Variants in GRIA1 observed in about 807,000 individuals in gnomAD.
GRIA1 encodes glutamate receptor 1.
In GRIA1, 31 loss-of-function variants were observed where a neutral mutation model predicts 99.2. The ratio of observed to expected loss-of-function variants is 0.31; its 90% CI spans 0.23 to 0.42. The LOEUF (loss-of-function observed/expected upper bound fraction) is 0.42, where lower values mean the gene tolerates loss of function less well. Among genes scored for constraint, GRIA1 ranks in the 10% least tolerant of loss-of-function variants. GRIA1 has a pLI of 1.00. For missense variants in GRIA1, 782 were observed against 1,157.5 expected (o/e 0.68, Z 4.71); for synonymous variants, 438 against 432.4 (o/e 1.01, Z -0.16).
intron 12 of GRIA1, among the ~76,000 whole-genome samples, chr5:153,765,946 G>A (rs1204219360): frequency 2.6e-5 from 4 of 152,164 alleles, no homozygotes; most frequent in East Asian, 3.8e-4. Flanking sequence ...GAGACAGCAC[G>A]CTGCCATATT....
At chr5:153,565,812 ATAT>A (rs1489185559) in intron 2 of GRIA1, among the ~76,000 whole-genome samples, 2 of 146,844 alleles carry the variant, frequency 1.4e-5, no homozygotes, top group Admixed American at 7.0e-5. Context: ...ATAAAATGAA[ATAT>A]TATAGGACTA....
intron 2 of GRIA1, among the ~76,000 whole-genome samples, chr5:153,608,715 T>C (rs1765672856): frequency 6.6e-6 from 1 of 152,254 alleles, no homozygotes; most frequent in African/African-American, 2.4e-5. Context: ...TCTATTATCT[T>C]GAGCCCCTGT....
chr5:153,654,487 A>G (rs1754794110), intron 4 of GRIA1, among the ~76,000 whole-genome samples: 1 of 152,046 alleles, frequency 6.6e-6, no homozygotes, highest in Admixed American at 6.6e-5. Flanking sequence ...AAGGCAGCAA[A>G]CCATTTGACA....
At chr5:153,757,588 G>A (rs573471172) in intron 11 of GRIA1, among the ~76,000 whole-genome samples, 1 of 152,264 alleles carries the variant, frequency 6.6e-6, no homozygotes, top group South Asian at 2.1e-4. Context: ...AACACACCTG[G>A]CAACAGACTT....
intron 2 of GRIA1, among the ~76,000 whole-genome samples, chr5:153,554,164 G>T (rs1199228123): frequency 1.3e-5 from 2 of 152,200 alleles, no homozygotes; most frequent in African/African-American, 2.4e-5. Flanking sequence ...GAATGAAGCA[G>T]TCAGCCAGGT....
In GRIA1 at chr5:153,534,415, G is replaced by GA. The variant is rs1758370773; in HGVS notation, c.220+40357dup. On this transcript the variant is annotated intron_variant, in intron 2 of 15. Transcript: ENST00000285900. Reference sequence around the variant, plus strand: ...CAAAAAGTCCTTAGAAACTCAACCTGAAAAAAATGTCTAGGGAAAGCAAAA... The same window carrying GA: ...CAAAAAGTCCTTAGAAACTCAACCTGAAAAAAAATGTCTAGGGAAAGCAAAA... Among the ~76,000 whole-genome samples the GA allele has an allele frequency of 1.3e-5, 2 of 151,996 alleles. 1 individual carries two copies. Among genetic ancestry groups the GA allele is most frequent in the South Asian group, 4.1e-4 (2 of 4,820 alleles).
At chr5:153,491,175 A>G (rs2113166161) in intron 1 of GRIA1, 1 of 1,062,866 alleles carries the variant, frequency 9.4e-7, no homozygotes, top group Non-Finnish European at 1.3e-6. Flanking sequence ...GGAAGTGTTC[A>G]CACACGCACA....
chr5:153,678,190 G>T (rs1756727966), intron 7 of GRIA1, among the ~76,000 whole-genome samples: 1 of 152,206 alleles, frequency 6.6e-6, no homozygotes, highest in Admixed American at 6.5e-5. Flanking sequence ...TCCTTGGGGA[G>T]AAGAGGAGCA....
chr5:153,784,833 G>C (rs964293958), intron 13 of GRIA1, among the ~76,000 whole-genome samples: 2 of 152,156 alleles, frequency 1.3e-5, no homozygotes, highest in African/African-American at 2.4e-5. Flanking sequence ...TGAGACCATT[G>C]TCCAAAGGAA....
At chr5:153,607,231 A>G (rs879515281) in intron 2 of GRIA1, among the ~76,000 whole-genome samples, 6 of 151,522 alleles carry the variant, frequency 4.0e-5, no homozygotes, top group Non-Finnish European at 5.9e-5. Context: ...CTTCTATACT[A>G]TTGACATTGG....
chr5:153,652,989 G>A (rs1239945441), intron 4 of GRIA1, among the ~76,000 whole-genome samples: 1 of 151,900 alleles, frequency 6.6e-6, no homozygotes, highest in East Asian at 1.9e-4. Context: ...CTAATCTGAG[G>A]AAAAAAACAG....
At chr5:153,761,641 A>G (rs993096123) in intron 11 of GRIA1, among the ~76,000 whole-genome samples, 2 of 152,210 alleles carry the variant, frequency 1.3e-5, no homozygotes, top group African/African-American at 4.8e-5. Flanking sequence ...AAACTACCAT[A>G]TGATTCAACA....
At chr5:153,501,708 G>T (rs1180892362) in intron 2 of GRIA1, among the ~76,000 whole-genome samples, 1 of 152,176 alleles carries the variant, frequency 6.6e-6, no homozygotes, top group East Asian at 1.9e-4. Flanking sequence ...TTGGGATGGA[G>T]TCTGGCAGAT....
At chr5:153,581,217 T>C (rs1434685243) in intron 2 of GRIA1, among the ~76,000 whole-genome samples, 1 of 152,226 alleles carries the variant, frequency 6.6e-6, no homozygotes, top group African/African-American at 2.4e-5. Context: ...TATTTCCTTC[T>C]AAACTGTTCA....
chr5:153,778,192 A>AGTGTGT (rs61414750), intron 13 of GRIA1, among the ~76,000 whole-genome samples: 266 of 37,358 alleles, frequency 7.1e-3, no homozygotes, highest in African/African-American at 0.024. Context: ...AGAGAGAGAG[A>AGTGTGT]GTGTGTGTGT....
In GRIA1 at chr5:153,646,922, T is replaced by C. The variant is rs1157164959; in HGVS notation, c.221-6T>C. On this transcript the variant is annotated splice_region_variant and splice_polypyrimidine_tract_variant and intron_variant, in intron 2 of 15. Coordinates refer to ENST00000285900, the MANE Select transcript of GRIA1 (RefSeq NM_000827.4). ...TCTATTCATTAATCCTTCTCTTCTC[T>C]TGTAGTCTGTTCCCAGTTCTCCAAA... 2 of 1,613,714 alleles carry C rather than the reference T, an allele frequency of 1.2e-6. No homozygotes were observed. Among genetic ancestry groups the C allele is most frequent in the Non-Finnish European group, 1.7e-6 (2 of 1,179,724 alleles).
intron 2 of GRIA1, among the ~76,000 whole-genome samples, chr5:153,640,804 G>A (rs1027725654): frequency 3.9e-5 from 6 of 152,078 alleles, no homozygotes; most frequent in Admixed American, 6.6e-5. Context: ...AGTTTCTGGT[G>A]CCAATAAATA....
chr5:153,578,569 G>A (rs1762774753), intron 2 of GRIA1, among the ~76,000 whole-genome samples: 1 of 152,156 alleles, frequency 6.6e-6, no homozygotes, highest in African/African-American at 2.4e-5. Flanking sequence ...AGAAGCCACT[G>A]GAAGGTCACA....
chr5:153,783,783 G>C (rs1764791056), intron 13 of GRIA1, among the ~76,000 whole-genome samples: 1 of 152,208 alleles, frequency 6.6e-6, no homozygotes, highest in South Asian at 2.1e-4. Flanking sequence ...CCTGCCAATA[G>C]AGCTCAGATT....
Sources: allele counts gnomAD v4.1 joint callset (sites outside exome capture counted in the v4.1 genomes callset), GRCh38; gene constraint gnomAD v4.1.1; transcripts MANE v1.5; gene names NCBI Gene and HGNC (gene_info 2026-07-23, HGNC 2026-07-21).